Variants in BBS12 observed in about 807,000 individuals in gnomAD.
BBS12 encodes chaperonin-containing T-complex member BBS12.
Under a neutral mutation model 5.6 loss-of-function variants are expected in BBS12, and 5 were observed. The ratio of observed to expected loss-of-function variants is 0.89; its 90% CI spans 0.46 to 1.86. The LOEUF is 1.86. BBS12 is among the 40% of genes most tolerant of loss of function. BBS12 has a pLI of 0.01. For missense variants in BBS12, 748 were observed against 830.4 expected, an observed-to-expected ratio of 0.90 and a Z score of 1.22; for synonymous variants, 308 against 306.8, an observed-to-expected ratio of 1.00 and a Z score of -0.04.
rs778351153 is a variant in BBS12 at position 122,743,154 on chromosome 4, G to A, written c.1262G>A (p.Arg421His). The change falls in exon 2 of 2, where the codon CGC becomes CAC. Residue 421 changes from arginine (R) to histidine (H), a missense_variant. Transcript: ENST00000314218. Reference protein sequence around the residue: ...LVLVQGNVSERLIEKCINSKR... With the variant: ...LVLVQGNVSEHLIEKCINSKR... ...CTGGTACAAGGAAATGTGTCCGAAC[G>A]CTTAATTGAAAAATGTATAAACAGT... 67 of 1,614,072 alleles carry A rather than the reference G, an allele frequency of 4.2e-5. No homozygotes were observed. The highest frequency in any genetic ancestry group is 2.7e-4 in the East Asian group (12 of 44,904).
the BBS12 span, among the ~76,000 whole-genome samples, chr4:122,714,765 A>G: frequency 6.6e-6 from 1 of 152,184 alleles, no homozygotes; most frequent in South Asian, 2.1e-4. Context: ...TCTCAAAAAT[A>G]TAGTGTCAAG....
chr4:122,738,268 G>A (rs1330828966), intron 1 of BBS12, among the ~76,000 whole-genome samples: 1 of 152,050 alleles, frequency 6.6e-6, no homozygotes, highest in Non-Finnish European at 1.5e-5. Flanking sequence ...CCAGGTTGGA[G>A]TGTGCAATCT....
chr4:122,728,681 CTG>C (rs1800658842), upstream of BBS12: 1 of 152,216 alleles, frequency 6.6e-6, no homozygotes, highest in Non-Finnish European at 1.5e-5. Flanking sequence ...ATCAAAGACA[CTG>C]TGAAAACACT....
the BBS12 span, among the ~76,000 whole-genome samples, chr4:122,719,784 C>T: frequency 6.6e-6 from 1 of 152,168 alleles, no homozygotes; most frequent in Non-Finnish European, 1.5e-5. Flanking sequence ...TGAGTTCAAG[C>T]CCAGGTTAGA....
At chr4:122,731,290 G>T (rs1800692892), upstream of BBS12, 1 of 152,170 alleles carries the variant, frequency 6.6e-6, no homozygotes, top group Admixed American at 6.5e-5. Flanking sequence ...TTCAATATAT[G>T]TTGCTGAATT....
intron 1 of BBS12, among the ~76,000 whole-genome samples, chr4:122,733,616 T>A (rs1333887482): frequency 6.6e-6 from 1 of 152,212 alleles, no homozygotes; most frequent in Non-Finnish European, 1.5e-5. Flanking sequence ...TTACTGCTTC[T>A]GCCCGTTCTG....
chr4:122,726,049 C>T, the BBS12 span, among the ~76,000 whole-genome samples: 1 of 151,784 alleles, frequency 6.6e-6, no homozygotes, highest in Non-Finnish European at 1.5e-5. Flanking sequence ...AAAGCAAATG[C>T]AACAAAAACA....
chr4:122,742,921 T>G lies in BBS12; in HGVS notation c.1029T>G (p.Asn343Lys), dbSNP rs1382334436. ...TCACTGTTGTGTCAGTATCTAATAA[T>G]CCTGTGATCAAGGAATTGCAGAATC... ...GYITVVSVSN[N>K]PVIKELQNQP... is the part of the protein sequence containing the mutation. Residue 343 changes from asparagine (N) to lysine (K), a missense_variant, in exon 2 of 2, where the codon AAT (asparagine) becomes AAG (lysine). Transcript: ENST00000314218. 6.2e-7 allele frequency: 1 copy of G among 1,614,106 alleles called. No individual in the cohort carries two copies. The highest frequency in any genetic ancestry group is 1.3e-5 in the African/African-American group (1 of 74,946).
At chr4:122,701,682 A>G in the BBS12 span, among the ~76,000 whole-genome samples, 2 of 152,246 alleles carry the variant, frequency 1.3e-5, no homozygotes, top group Non-Finnish European at 2.9e-5. Flanking sequence ...ACACCACTTT[A>G]TAGATGAAGA....
At chr4:122,711,997 C>A in the BBS12 span, among the ~76,000 whole-genome samples, 1 of 152,208 alleles carries the variant, frequency 6.6e-6, no homozygotes, top group Non-Finnish European at 1.5e-5. Context: ...TCTCTCAGAG[C>A]TGGGGTAGAC....
intron 1 of BBS12, among the ~76,000 whole-genome samples, chr4:122,733,408 CA>C (rs1800733862): frequency 6.7e-6 from 1 of 149,994 alleles, no homozygotes; most frequent in African/African-American, 2.5e-5. Flanking sequence ...CACACACACA[CA>C]CACACACACA....
At chr4:122,731,799 G>T (rs1025415337), upstream of BBS12, 1 of 152,104 alleles carries the variant, frequency 6.6e-6, no homozygotes, top group Non-Finnish European at 1.5e-5. Context: ...AGAAAATTAG[G>T]TCAGCAGGCC....
chr4:122,704,722 G>A, the BBS12 span, among the ~76,000 whole-genome samples: 6 of 152,278 alleles, frequency 3.9e-5, no homozygotes, highest in African/African-American at 1.2e-4. Flanking sequence ...CAAAGAGCTT[G>A]CCCTGTTTCT....
At chr4:122,713,453 G>T in the BBS12 span, among the ~76,000 whole-genome samples, 58 of 152,138 alleles carry the variant, frequency 3.8e-4, no homozygotes, top group Non-Finnish European at 6.6e-4. Flanking sequence ...GATTGTGCCT[G>T]TGAAGAGCCA....
intron 1 of BBS12, among the ~76,000 whole-genome samples, chr4:122,734,531 G>T (rs1277506228): frequency 6.6e-6 from 1 of 152,178 alleles, no homozygotes; most frequent in African/African-American, 2.4e-5. Context: ...CTCTCAAAGT[G>T]CTGGGATTAC....
At chr4:122,714,248 C>T in the BBS12 span, among the ~76,000 whole-genome samples, 7 of 152,282 alleles carry the variant, frequency 4.6e-5, no homozygotes, top group South Asian at 6.2e-4. Flanking sequence ...CAAAAGGGGC[C>T]TCACCAGAAC....
At chr4:122,733,506 A>C (rs1378025618) in intron 1 of BBS12, among the ~76,000 whole-genome samples, 2 of 152,126 alleles carry the variant, frequency 1.3e-5, no homozygotes, top group Non-Finnish European at 2.9e-5. Flanking sequence ...AGAGTCAGAC[A>C]CAGGTAGTCT....
the BBS12 span, among the ~76,000 whole-genome samples, chr4:122,707,054 C>CTCTTTTTTTTT: frequency 1.4e-5 from 1 of 72,250 alleles, no homozygotes; most frequent in Admixed American, 2.1e-4. Context: ...CTCTCTCTCT[C>CTCTTTTTTTTT]TTTTTTTTTT....
the BBS12 span, among the ~76,000 whole-genome samples, chr4:122,722,264 A>C: frequency 6.6e-6 from 1 of 152,162 alleles, no homozygotes; most frequent in African/African-American, 2.4e-5. Flanking sequence ...TTTCTATTCT[A>C]TTCCACCGGT....
Sources: gnomAD v4.1 joint callset for allele counts (sites outside exome capture counted in the v4.1 genomes callset) on GRCh38, gnomAD v4.1.1 for gene constraint, MANE v1.5 for transcripts, NCBI Gene and HGNC (gene_info 2026-07-23, HGNC 2026-07-21) for gene names.